Variants in NKAIN3 observed in about 807,000 individuals in gnomAD.
NKAIN3 encodes sodium/potassium-transporting ATPase subunit beta-1-interacting protein 3.
NKAIN3 carries 25 observed loss-of-function variants against 30.2 expected under a neutral mutation model. That is an observed-to-expected ratio of 0.83 (90% CI 0.60 to 1.16). The LOEUF (loss-of-function observed/expected upper bound fraction) is 1.16. Ranked by LOEUF, NKAIN3 falls within the 50% of genes most tolerant of loss-of-function variation. The probability of loss-of-function intolerance (pLI) is 0.00; values close to 1 mark genes in which losing one functional copy is unlikely to be tolerated. For synonymous variants in NKAIN3, 91 were observed against 89.6 expected (o/e 1.02, Z -0.09); for missense variants, 225 against 254.1 (o/e 0.89, Z 0.78).
At chr8:62,928,253 A>G (rs922146180) in intron 5 of NKAIN3, among the ~76,000 whole-genome samples, 1 of 152,214 alleles carries the variant, frequency 6.6e-6, no homozygotes. Flanking sequence ...AATTATTTCT[A>G]AGTTATAACA....
At chr8:62,822,363 T>A (rs1261020403) in intron 4 of NKAIN3, among the ~76,000 whole-genome samples, 2 of 152,144 alleles carry the variant, frequency 1.3e-5, no homozygotes, top group South Asian at 4.2e-4. Context: ...TTCAAGAACA[T>A]TAATATGAGG....
At chr8:62,776,600 G>C (rs1332820460) in intron 4 of NKAIN3, among the ~76,000 whole-genome samples, 8 of 152,086 alleles carry the variant, frequency 5.3e-5, no homozygotes, top group Admixed American at 3.9e-4. Flanking sequence ...TATACTTTAA[G>C]TTCTTGCCCC....
In NKAIN3 at chr8:62,753,233, C is replaced by T. The variant is rs533900178; in HGVS notation, c.471+6104C>T. Among the ~76,000 whole-genome samples, 457 of 149,916 alleles carry T rather than the reference C, an allele frequency of 3.0e-3. 1 individual carries two copies. Among genetic ancestry groups the T allele is most frequent in the African/African-American group, 0.011 (446 of 39,760 alleles). Reference sequence around the variant, plus strand: ...GCACACACACACACACACACACACACGCACGCACGCACAGTATAGCATTTC... The same window carrying T: ...GCACACACACACACACACACACACATGCACGCACGCACAGTATAGCATTTC... On this transcript the variant is annotated intron_variant, in intron 4 of 6. Transcript: ENST00000623646.
At chr8:62,258,613 T>G (rs1812332219) in intron 1 of NKAIN3, among the ~76,000 whole-genome samples, 2 of 152,132 alleles carry the variant, frequency 1.3e-5, no homozygotes, top group African/African-American at 4.8e-5. Context: ...TGAGCCTTAA[T>G]GGTGCCACTG....
chr8:62,564,988 T>C (rs1809705409), intron 1 of NKAIN3, among the ~76,000 whole-genome samples: 2 of 152,178 alleles, frequency 1.3e-5, no homozygotes, highest in Non-Finnish European at 2.9e-5. Context: ...ACATGATTTA[T>C]ATGCATAGCT....
At chr8:62,671,445 A>G (rs1004063147) in intron 3 of NKAIN3, among the ~76,000 whole-genome samples, 6 of 152,200 alleles carry the variant, frequency 3.9e-5, no homozygotes, top group African/African-American at 1.2e-4. Context: ...AAAGTTGCTT[A>G]AAGTGTTAGA....
intron 1 of NKAIN3, among the ~76,000 whole-genome samples, chr8:62,574,233 A>T (rs567167830): frequency 3.3e-5 from 5 of 152,084 alleles, no homozygotes; most frequent in Admixed American, 6.6e-5. Context: ...TATTCTTTTT[A>T]TGGTTAAATA....
At chr8:62,397,785 T>C (rs1016604351) in intron 1 of NKAIN3, among the ~76,000 whole-genome samples, 1 of 152,122 alleles carries the variant, frequency 6.6e-6, no homozygotes, top group Non-Finnish European at 1.5e-5. Flanking sequence ...AGCTGTCTTG[T>C]GCTACTGTGG....
intron 1 of NKAIN3, among the ~76,000 whole-genome samples, chr8:62,347,214 T>C (rs1816031791): frequency 2.0e-5 from 3 of 152,126 alleles, no homozygotes; most frequent in African/African-American, 7.2e-5. Flanking sequence ...AACTTAAAAT[T>C]ACACTTCTAT....
Position 62,978,273 on chromosome 8 carries a change from C to T in NKAIN3, c.*12866C>T, listed in dbSNP as rs112685605. On this transcript the variant is annotated 3_prime_UTR_variant, in exon 7 of 7. Coordinates refer to ENST00000623646, the MANE Select transcript of NKAIN3 (RefSeq NM_001304533.3). ...AGGAGATCTGCTGCTCTCTTCAGAG[C>T]TGGCAGGTGGGAATGTTTAAGTCTG... is the stretch of plus-strand genomic sequence containing the variant. 10,367 of 152,626 alleles carry T rather than the reference C, an allele frequency of 0.068. 432 individuals carry two copies. Among genetic ancestry groups the T allele is most frequent in the South Asian group, 0.17 (822 of 4,828 alleles). 9.5% of individuals were successfully genotyped at this position (152,626 alleles called of 1,614,324 possible). A position where few individuals can be genotyped will look rare whatever the true frequency, so the allele number is the denominator to read the frequency against.
chr8:62,743,335 C>T (rs550886435), intron 3 of NKAIN3, among the ~76,000 whole-genome samples: 1 of 152,050 alleles, frequency 6.6e-6, no homozygotes, highest in South Asian at 2.1e-4. Context: ...AGATAGAAAT[C>T]AGACACAAAC....
intron 3 of NKAIN3, among the ~76,000 whole-genome samples, chr8:62,660,737 G>A (rs1408692318): frequency 6.6e-6 from 1 of 152,224 alleles, no homozygotes; most frequent in African/African-American, 2.4e-5. Flanking sequence ...TTACAGTACA[G>A]TAGTAACCAG....
At chr8:62,949,427 G>A (rs1043307851) in intron 5 of NKAIN3, among the ~76,000 whole-genome samples, 7 of 152,206 alleles carry the variant, frequency 4.6e-5, no homozygotes, top group African/African-American at 1.7e-4. Flanking sequence ...AAGTAGCTCT[G>A]TAATTCCTTC....
chr8:62,848,915 G>A (rs1326386277), intron 4 of NKAIN3, among the ~76,000 whole-genome samples: 1 of 152,058 alleles, frequency 6.6e-6, no homozygotes, highest in Non-Finnish European at 1.5e-5. Flanking sequence ...CATCTATTGA[G>A]ATAATCATGT....
At chr8:62,802,318 C>T (rs1385763372) in intron 4 of NKAIN3, among the ~76,000 whole-genome samples, 1 of 152,112 alleles carries the variant, frequency 6.6e-6, no homozygotes, top group Non-Finnish European at 1.5e-5. Context: ...ACGTAGTTGT[C>T]AGATTCACCA....
chr8:62,752,893 C>G (rs1263889299), intron 4 of NKAIN3, among the ~76,000 whole-genome samples: 1 of 152,066 alleles, frequency 6.6e-6, no homozygotes, highest in Non-Finnish European at 1.5e-5. Context: ...AGAAAACATA[C>G]TGTCAAATTA....
intron 3 of NKAIN3, among the ~76,000 whole-genome samples, chr8:62,619,084 G>A (rs1563486475): frequency 6.6e-6 from 1 of 152,084 alleles, no homozygotes; most frequent in Non-Finnish European, 1.5e-5. Context: ...GGATCCTAAT[G>A]TAACCAGTGC....
At chr8:62,582,585 G>A (rs565635325) in intron 2 of NKAIN3, among the ~76,000 whole-genome samples, 7 of 152,178 alleles carry the variant, frequency 4.6e-5, no homozygotes, top group Non-Finnish European at 8.8e-5. Context: ...GAGTCCACAA[G>A]GGAACAAGGG....
At chr8:62,519,740 A>G (rs1206310558) in intron 1 of NKAIN3, among the ~76,000 whole-genome samples, 1 of 152,176 alleles carries the variant, frequency 6.6e-6, no homozygotes, top group Non-Finnish European at 1.5e-5. Flanking sequence ...TTCAAGGTAT[A>G]ACACTGCTCT....
Sources: gnomAD v4.1 joint callset for allele counts (sites outside exome capture counted in the v4.1 genomes callset) on GRCh38, gnomAD v4.1.1 for gene constraint, MANE v1.5 for transcripts, NCBI Gene and HGNC (gene_info 2026-07-23, HGNC 2026-07-21) for gene names.